IGSF10: variants seen among roughly 807,000 people sequenced by gnomAD.
IGSF10 encodes immunoglobulin superfamily member 10.
IGSF10 carries 126 observed loss-of-function variants against 128.2 expected under a neutral mutation model. The ratio of observed to expected loss-of-function variants is 0.98; its 90% CI spans 0.85 to 1.14. IGSF10 has a LOEUF of 1.14. Among genes scored for constraint, IGSF10 ranks in the 50% most tolerant of loss-of-function variants. IGSF10 has a pLI of 0.00. For missense variants in IGSF10, 3,295 were observed against 3,149.8 expected (o/e 1.05, Z -1.10); for synonymous variants, 1,185 against 1,146.2 (o/e 1.03, Z -0.68).
the IGSF10 span, among the ~76,000 whole-genome samples, chr3:151,487,894 G>A: frequency 2.0e-5 from 3 of 152,246 alleles, no homozygotes; most frequent in South Asian, 4.1e-4. Flanking sequence ...GCAAAAACTG[G>A]AAGCATTCCC....
the IGSF10 span, among the ~76,000 whole-genome samples, chr3:151,576,956 T>C: frequency 6.6e-6 from 1 of 152,190 alleles, no homozygotes; most frequent in Non-Finnish European, 1.5e-5. Flanking sequence ...TTTTTTCCTT[T>C]ACTTTCTTAG....
chr3:151,528,664 C>T, the IGSF10 span, among the ~76,000 whole-genome samples: 2 of 152,194 alleles, frequency 1.3e-5, no homozygotes, highest in Non-Finnish European at 2.9e-5. Flanking sequence ...AGGAATGGTA[C>T]CCAGATATAT....
the IGSF10 span, among the ~76,000 whole-genome samples, chr3:151,537,877 C>A: frequency 6.6e-6 from 1 of 152,170 alleles, no homozygotes; most frequent in Admixed American, 6.5e-5. Context: ...AGTAATTACC[C>A]ACAGTGGTTC....
At chr3:151,432,659 C>T, downstream of IGSF10, 1 of 892,734 alleles carries the variant, frequency 1.1e-6, no homozygotes, top group Non-Finnish European at 1.8e-6. Context: ...CCTGTACCTG[C>T]AGCTGGTACT....
chr3:151,435,541 C>CTT (rs1720051633), downstream of IGSF10: 1 of 152,218 alleles, frequency 6.6e-6, no homozygotes, highest in South Asian at 2.1e-4. Flanking sequence ...CAGGGGCTAA[C>CTT]TTATTAGTAA....
chr3:151,439,464 A>C (rs1357842598), intron 7 of IGSF10, among the ~76,000 whole-genome samples: 1 of 152,158 alleles, frequency 6.6e-6, no homozygotes, highest in Non-Finnish European at 1.5e-5. Context: ...AATACGAAAA[A>C]TTAGCTGAGC....
the IGSF10 span, among the ~76,000 whole-genome samples, chr3:151,544,915 C>G: frequency 6.6e-6 from 1 of 152,034 alleles, no homozygotes; most frequent in African/African-American, 2.4e-5. Flanking sequence ...GTCTTCTATA[C>G]TGATTCTCTA....
chr3:151,563,309 C>A, the IGSF10 span, among the ~76,000 whole-genome samples: 2 of 152,190 alleles, frequency 1.3e-5, no homozygotes, highest in East Asian at 3.9e-4. Flanking sequence ...CCCAGGGCAT[C>A]CTGCCTACAC....
chr3:151,442,564 C>CTTT (rs1218426025), intron 7 of IGSF10, among the ~76,000 whole-genome samples: 2 of 22,718 alleles, frequency 8.8e-5, no homozygotes, highest in Non-Finnish European at 8.5e-5. Flanking sequence ...TTTTTTTGTA[C>CTTT]TTTTAGTAGA....
At chr3:151,444,491 G>A (rs528686629) in intron 6 of IGSF10, among the ~76,000 whole-genome samples, 3 of 152,032 alleles carry the variant, frequency 2.0e-5, no homozygotes, top group Non-Finnish European at 4.4e-5. Context: ...TATTTTTTTA[G>A]TAGAGTAGGG....
At chr3:151,565,912 T>C in the IGSF10 span, 1 of 151,858 alleles carries the variant, frequency 6.6e-6, no homozygotes, top group Non-Finnish European at 1.5e-5. Context: ...TCACCTGATT[T>C]CTACCAATCT....
the IGSF10 span, among the ~76,000 whole-genome samples, chr3:151,491,545 T>C: frequency 1.3e-5 from 2 of 152,148 alleles, no homozygotes; most frequent in Non-Finnish European, 2.9e-5. Context: ...GCCACTGCAC[T>C]CCAACCTGGG....
At chr3:151,459,791 C>T (rs1472090194) in intron 2 of IGSF10, among the ~76,000 whole-genome samples, 1 of 152,156 alleles carries the variant, frequency 6.6e-6, no homozygotes, top group Non-Finnish European at 1.5e-5. Context: ...GCAAAATGAC[C>T]TTCATAATTT....
the IGSF10 span, among the ~76,000 whole-genome samples, chr3:151,492,280 G>T: frequency 0.84 from 127,093 of 152,106 alleles, 53,303 homozygotes; most frequent in Middle Eastern, 0.94. Context: ...CACTAATGAG[G>T]AGGGAAATGC....
chr3:151,618,253 C>T, the IGSF10 span, among the ~76,000 whole-genome samples: 1 of 152,054 alleles, frequency 6.6e-6, no homozygotes, highest in Non-Finnish European at 1.5e-5. Flanking sequence ...AGCGCTGGCA[C>T]CTTGCTCTTG....
the IGSF10 span, among the ~76,000 whole-genome samples, chr3:151,569,297 C>T: frequency 6.6e-6 from 1 of 152,156 alleles, no homozygotes; most frequent in Non-Finnish European, 1.5e-5. Context: ...GTCTTGAACC[C>T]CTGATCTTAA....
chr3:151,511,066 C>T, the IGSF10 span, among the ~76,000 whole-genome samples: 49,379 of 151,896 alleles, frequency 0.33, 8,757 homozygotes, highest in Middle Eastern at 0.45. Context: ...GAGAACTTCC[C>T]CAATCTAGCA....
chr3:151,515,294 AATG>A, the IGSF10 span, among the ~76,000 whole-genome samples: 1 of 151,994 alleles, frequency 6.6e-6, no homozygotes, highest in Non-Finnish European at 1.5e-5. Flanking sequence ...AGCCATAAAA[AATG>A]ATGAGTTCAT....
the IGSF10 span, among the ~76,000 whole-genome samples, chr3:151,523,007 T>C: frequency 2.0e-5 from 3 of 152,078 alleles, no homozygotes; most frequent in East Asian, 1.9e-4. Context: ...ATCACTAGCA[T>C]TCCTATATAC....
Sources: gnomAD v4.1 joint callset for allele counts (sites outside exome capture counted in the v4.1 genomes callset) on GRCh38, gnomAD v4.1.1 for gene constraint, MANE v1.5 for transcripts, NCBI Gene and HGNC (gene_info 2026-07-23, HGNC 2026-07-21) for gene names.